The following HSD11B1L variants were observed in gnomAD, a reference collection of about 807,000 sequenced individuals.
The protein encoded by HSD11B1L is hydroxysteroid 11-beta dehydrogenase 1 like, also known as hydroxysteroid 11-beta-dehydrogenase 1-like protein.
A neutral mutation model predicts 27.0 loss-of-function variants in HSD11B1L; 22 were observed. That is an observed-to-expected ratio of 0.81 (90% CI 0.58 to 1.16). The LOEUF (loss-of-function observed/expected upper bound fraction) is 1.16. Ranked by LOEUF, HSD11B1L falls within the 50% of genes most tolerant of loss-of-function variation. The pLI, the probability that HSD11B1L is intolerant of heterozygous loss-of-function variation, is 0.00. For missense variants in HSD11B1L, 372 were observed against 401.8 expected, an observed-to-expected ratio of 0.93 and a Z score of 0.63; for synonymous variants, 187 against 189.2, an observed-to-expected ratio of 0.99 and a Z score of 0.09.
chr19:5,686,851 C>T, intron 4 of HSD11B1L, 49 bp from the exon 5 acceptor site: 1 of 1,454,702 alleles, frequency 6.9e-7, no homozygotes, highest in Admixed American at 2.2e-5. Context: ...GGGGTTTGAT[C>T]GTTTCCTTGG....
rs1406293544 is a variant in HSD11B1L at position 5,688,111 on chromosome 19, AG to A, written c.*167del. On this transcript the variant is annotated 3_prime_UTR_variant, in exon 8 of 8. Coordinates refer to ENST00000339423, the MANE Select transcript of HSD11B1L (RefSeq NM_198706.3). The stretch of plus-strand genomic sequence containing the variant: ...AGAAAAACGACGGGCACCTGGAACC[AG>A]TCACGGCTTGGGAGGTGCAGGTGCC... The A allele has an allele frequency of 7.1e-6, 11 of 1,551,402 alleles. No individual in the cohort carries two copies. Among genetic ancestry groups the A allele is most frequent in the Non-Finnish European group, 9.6e-6 (11 of 1,147,012 alleles).
chr19:5,685,094 C>T lies in HSD11B1L; in HGVS notation c.179C>T (p.Ala60Val). The part of the protein sequence containing the change: ...ARLGSHLVLT[A>V]HTEALLQKVV... ...CTGGGCTCCCACCTGGTGCTCACTG[C>T]CCACACTGAGGCTCTCCTGCAGAAG... The change falls in exon 3 of 8, where the codon GCC becomes GTC. Residue 60 changes from alanine to valine, a missense_variant. By Grantham distance (64) the Ala-to-Val change is moderately conservative. Transcript: ENST00000339423. The surrounding 1 kb of genome is among the most constrained non-coding windows in gnomAD (Gnocchi z 4.3). The T allele has an allele frequency of 6.5e-7, 1 of 1,550,170 alleles. No homozygotes were observed. The highest frequency in any genetic ancestry group is 8.7e-7 in the Non-Finnish European group (1 of 1,147,366).
In HSD11B1L at chr19:5,682,680, A is replaced by C. The variant is rs562242927; in HGVS notation, c.-15+1409A>C. 2.9e-3 allele frequency among the ~76,000 whole-genome samples: 435 copies of C among 152,138 alleles called. 4 individuals are homozygous for C. The highest frequency in any genetic ancestry group is 9.8e-3 in the African/African-American group (405 of 41,486). ...GAGGTTGTCAGGAGGAGACACCCAGAAGACAGCAGAGGCAAAGAACCTAGG... is the reference window on the plus strand; with the variant it reads ...GAGGTTGTCAGGAGGAGACACCCAGCAGACAGCAGAGGCAAAGAACCTAGG... On this transcript the variant is annotated intron_variant, in intron 1 of 7. Coordinates refer to ENST00000339423, the MANE Select transcript of HSD11B1L (RefSeq NM_198706.3).
At position 5,684,838 on chromosome 19, in the gene HSD11B1L, G is replaced by C; in HGVS notation, c.6G>C (p.Lys2Asn). The C allele has an allele frequency of 6.2e-7, 1 of 1,613,862 alleles. No homozygotes were observed. Among genetic ancestry groups the C allele is most frequent in the Non-Finnish European group, 8.5e-7 (1 of 1,180,016 alleles). M[K>N]VLLLTGLGAL... ...CTGCAGGCCCACACAGGACCATGAA[G>C]GTGCTTCTCCTCACAGGGCTGGGGG... Residue 2 changes from lysine (K) to asparagine (N), a missense_variant, in exon 2 of 8, where the codon AAG (lysine) becomes AAC (asparagine). Lys to Asn is a moderately conservative substitution (Grantham distance 94). Transcript: ENST00000339423.
chr19:5,682,752 C>T (rs952909888), intron 1 of HSD11B1L, among the ~76,000 whole-genome samples: 1 of 151,532 alleles, frequency 6.6e-6, no homozygotes, highest in Non-Finnish European at 1.5e-5. Context: ...ATGATCCGCT[C>T]CATCTGGTCT....
At chr19:5,684,119 C>A in intron 1 of HSD11B1L, 1 of 432,608 alleles carries the variant, frequency 2.3e-6, no homozygotes, top group South Asian at 6.1e-5. Context: ...GGATTACAGG[C>A]ATGTGCGTGC....
At position 5,685,203 on chromosome 19, in the gene HSD11B1L, C is replaced by CA; in HGVS notation, c.204+85dup. 6.7e-7 allele frequency: 1 copy of CA among 1,498,254 alleles called. No individual in the cohort carries two copies. The highest frequency in any genetic ancestry group is 1.2e-5 in the South Asian group (1 of 83,282). The allele number at this position is 1,498,254 out of a possible 1,614,324, so 92.8% of individuals were successfully genotyped here. ...CCTGGGTTTAATCCCTGCAATGATCCAGGCTTCCCGTGTGACCTTGGGCAA... is the reference window on the plus strand; with the variant it reads ...CCTGGGTTTAATCCCTGCAATGATCCAAGGCTTCCCGTGTGACCTTGGGCAA... On this transcript the variant is annotated intron_variant, in intron 3 of 7. Coordinates refer to ENST00000339423, the MANE Select transcript of HSD11B1L (RefSeq NM_198706.3). The surrounding 1 kb of genome is among the most constrained non-coding windows in gnomAD (Gnocchi z 4.3).
At chr19:5,682,168 C>T (rs1444118321) in intron 1 of HSD11B1L, among the ~76,000 whole-genome samples, 2 of 152,190 alleles carry the variant, frequency 1.3e-5, no homozygotes, top group African/African-American at 4.8e-5. Context: ...AGTGAGGAGC[C>T]TGGTTTCCAT....
At chr19:5,684,410 C>T in intron 1 of HSD11B1L, 2 of 362,138 alleles carry the variant, frequency 5.5e-6, no homozygotes, top group Non-Finnish European at 1.0e-5. Flanking sequence ...TAGGAACAGC[C>T]CACGAGAAGG....
chr19:5,687,032 C>T lies in HSD11B1L; in HGVS notation c.408+41C>T. On this transcript the variant is annotated intron_variant, in intron 5 of 7. Transcript: ENST00000339423. The surrounding 1 kb of genome is among the most constrained non-coding windows in gnomAD (Gnocchi z 6.6). ...GCGGCCCCGGCCCGCCCCTCTATCT[C>T]AGGGACCGGTGGTCCGTTCCCTTCG... 1 of 1,488,724 alleles carries T rather than the reference C, an allele frequency of 6.7e-7. No homozygotes were observed. Among genetic ancestry groups the T allele is most frequent in the South Asian group, 1.2e-5 (1 of 82,598 alleles). 92.2% of individuals were successfully genotyped at this position (1,488,724 alleles called of 1,614,324 possible). A position where few individuals can be genotyped will look rare whatever the true frequency, so the allele number is the denominator to read the frequency against.
chr19:5,682,491 C>T (rs1479197530), intron 1 of HSD11B1L, among the ~76,000 whole-genome samples: 1 of 151,980 alleles, frequency 6.6e-6, no homozygotes, highest in African/African-American at 2.4e-5. Flanking sequence ...AAACCATGAG[C>T]TCGTGGGGGT....
In HSD11B1L at chr19:5,685,141, T is replaced by A. The variant is rs937463970; in HGVS notation, c.204+22T>A. 3 of 1,542,236 alleles carry A rather than the reference T, an allele frequency of 1.9e-6. No individual in the cohort carries two copies. The highest frequency in any genetic ancestry group is 2.0e-5 in the Admixed American group (1 of 50,980). ...GAAGGTGAGCCACCCCATGTCTAGA[T>A]GAATGGTGGGGGTGCTCATGGGGGG... On this transcript the variant is annotated intron_variant, in intron 3 of 7. Transcript: ENST00000339423. The surrounding 1 kb of genome is among the most constrained non-coding windows in gnomAD (Gnocchi z 4.3).
chr19:5,683,948 A>C (rs1464255794), intron 1 of HSD11B1L: 1 of 394,908 alleles, frequency 2.5e-6, no homozygotes, highest in East Asian at 3.7e-5. Context: ...GGAGGCCCTC[A>C]CTTGAAGGAG....
chr19:5,684,138 C>G, intron 1 of HSD11B1L: 1 of 413,540 alleles, frequency 2.4e-6, no homozygotes, highest in Admixed American at 4.3e-5. Context: ...GCCTCAGCCC[C>G]CTGAGTAGCT....
intron 1 of HSD11B1L, chr19:5,683,998 C>T (rs750094208): frequency 6.9e-5 from 31 of 446,348 alleles, no homozygotes; most frequent in South Asian, 2.0e-4. Context: ...GTTTTTGATA[C>T]GGAGTTTCGC....
Position 5,684,843 on chromosome 19 carries a change from T to C in HSD11B1L, c.11T>C (p.Leu4Pro), listed in dbSNP as rs897875755. The stretch of plus-strand genomic sequence containing the variant: ...GGCCCACACAGGACCATGAAGGTGC[T>C]TCTCCTCACAGGGCTGGGGGCCCTG... MKV[L>P]LLTGLGALFF... Residue 4 changes from leucine to proline, a missense_variant, in exon 2 of 8, where the codon CTT (leucine) becomes CCT (proline). Transcript: ENST00000339423. 2 of 1,613,714 alleles carry C rather than the reference T, an allele frequency of 1.2e-6. No individual in the cohort carries two copies. The highest frequency in any genetic ancestry group is 1.7e-5 in the Admixed American group (1 of 60,006).
chr19:5,682,396 G>A (rs1168850701), intron 1 of HSD11B1L, among the ~76,000 whole-genome samples: 1 of 152,166 alleles, frequency 6.6e-6, no homozygotes. Context: ...GGGTCTAGGA[G>A]GGAGGTGACA....
At position 5,687,645 on chromosome 19, in the gene HSD11B1L, C is replaced by G; in HGVS notation, c.645C>G (p.Arg215=). Residue 215 remains arginine (R), a synonymous_variant, in exon 7 of 8, where the codon CGC becomes CGG. Coordinates refer to ENST00000339423, the MANE Select transcript of HSD11B1L (RefSeq NM_198706.3). This position sits in a 1 kb window ranked among gnomAD's most constrained non-coding sequence, Gnocchi z 6.6. ...ITMCVLGLRD[R]ASAAEAVRGV... ...TGTGCGTCCTGGGCCTCCGAGATCG[C>G]GCCTCCGCCGCCGAGGCAGTCAGGT... The G allele has an allele frequency of 6.3e-7, 1 of 1,588,914 alleles. No individual in the cohort carries two copies. The highest frequency in any genetic ancestry group is 8.5e-7 in the Non-Finnish European group (1 of 1,173,722).
chr19:5,687,698 T>G lies in HSD11B1L; in HGVS notation c.668+30T>G. ...GGCCCGGACAAGCTGGGGGCTGGGCTGGGGGCCATGGCCCAGCCCCAGCCG... is the reference window on the plus strand; with the variant it reads ...GGCCCGGACAAGCTGGGGGCTGGGCGGGGGGCCATGGCCCAGCCCCAGCCG... On this transcript the variant is annotated intron_variant, in intron 7 of 7. Transcript: ENST00000339423. This position sits in a 1 kb window ranked among gnomAD's most constrained non-coding sequence, Gnocchi z 6.6. The G allele has an allele frequency of 6.5e-7, 1 of 1,538,534 alleles. No individual in the cohort carries two copies. Among genetic ancestry groups the G allele is most frequent in the African/African-American group, 1.4e-5 (1 of 72,542 alleles).
Sources: allele counts gnomAD v4.1 joint callset (sites outside exome capture counted in the v4.1 genomes callset), GRCh38; gene constraint gnomAD v4.1.1; non-coding constraint Gnocchi (gnomAD v3.1); transcripts MANE v1.5; gene names NCBI Gene and HGNC (gene_info 2026-07-23, HGNC 2026-07-21).